The following GPR63 variants were observed in gnomAD, a reference collection of about 807,000 sequenced individuals.
GPR63 encodes probable G protein-coupled receptor 63.
GPR63 carries 12 observed loss-of-function variants against 23.1 expected under a neutral mutation model. That is an observed-to-expected ratio of 0.52 (90% CI 0.33 to 0.84). The LOEUF (loss-of-function observed/expected upper bound fraction) is 0.84, where lower values mean the gene tolerates loss of function less well. Ranked by LOEUF, GPR63 falls within the 40% of genes least tolerant of loss-of-function variation. GPR63 has a pLI of 0.02. For synonymous variants in GPR63, 172 were observed against 191.1 expected (o/e 0.90, Z 0.82); for missense variants, 472 against 515.6 (o/e 0.92, Z 0.82).
chr6:96,812,946 TTCTA>T (rs1366831195), intron 1 of GPR63, among the ~76,000 whole-genome samples: 8 of 152,096 alleles, frequency 5.3e-5, no homozygotes, highest in Non-Finnish European at 1.2e-4. Flanking sequence ...AACTTCTACC[TTCTA>T]TCTAACTGTA....
rs1182644915 is a variant in GPR63 at position 96,796,179 on chromosome 6, A to G, written c.*2293T>C. ...ACTCTTCAGACATTTAATATTAAGA[A>G]ATAGCTAATGAAGTAAAATGTAAAG... is the stretch of plus-strand genomic sequence containing the variant. On this transcript the variant is annotated 3_prime_UTR_variant, in exon 2 of 2. Transcript: ENST00000229955. 6.6e-6 allele frequency: 1 copy of G among 152,190 alleles called. No individual in the cohort carries two copies. The highest frequency in any genetic ancestry group is 6.5e-5 in the Admixed American group (1 of 15,274). 9.4% of individuals were successfully genotyped at this position (152,190 alleles called of 1,614,324 possible). A position where few individuals can be genotyped will look rare whatever the true frequency, so the allele number is the denominator to read the frequency against.
intron 1 of GPR63, among the ~76,000 whole-genome samples, chr6:96,836,953 G>A (rs1774746724): frequency 6.6e-6 from 1 of 151,858 alleles, no homozygotes. Context: ...CCCCTCTGCA[G>A]CCGACCGTTT....
chr6:96,821,788 A>G (rs1299787107), intron 1 of GPR63, among the ~76,000 whole-genome samples: 2 of 152,156 alleles, frequency 1.3e-5, no homozygotes, highest in African/African-American at 2.4e-5. Context: ...ACATACATAT[A>G]TATACCACGG....
intron 1 of GPR63, among the ~76,000 whole-genome samples, chr6:96,823,646 G>A (rs1369303909): frequency 6.6e-6 from 1 of 152,042 alleles, no homozygotes; most frequent in Non-Finnish European, 1.5e-5. Context: ...CTACAGTGGT[G>A]TACATTAATA....
intron 1 of GPR63, among the ~76,000 whole-genome samples, chr6:96,809,114 C>T (rs1353297295): frequency 6.6e-6 from 1 of 151,934 alleles, no homozygotes; most frequent in Non-Finnish European, 1.5e-5. Flanking sequence ...TCAAAACCAA[C>T]CTCCCTTTCT....
In GPR63 at chr6:96,826,009, A is replaced by T. The variant is rs530553683; in HGVS notation, c.-151+11259T>A. ...TTATAAAAACTAAAATATAAAAAAT[A>T]AAAAGAATAAAAACAAACATTTCTT... is the stretch of plus-strand genomic sequence containing the variant. On this transcript the variant is annotated intron_variant, in intron 1 of 1. Coordinates refer to ENST00000229955, the MANE Select transcript of GPR63 (RefSeq NM_030784.4). 1.7e-4 allele frequency among the ~76,000 whole-genome samples: 26 copies of T among 152,252 alleles called. No homozygotes were observed. In the South Asian group the frequency reaches 3.5e-3, roughly 21 times the overall value.
intron 1 of GPR63, among the ~76,000 whole-genome samples, chr6:96,836,778 T>C (rs1306832997): frequency 6.6e-6 from 1 of 152,134 alleles, no homozygotes; most frequent in Non-Finnish European, 1.5e-5. Flanking sequence ...TCTTAACTGT[T>C]GGAGCGCGAA....
chr6:96,819,974 CAAA>C (rs367728329), intron 1 of GPR63, among the ~76,000 whole-genome samples: 5 of 85,340 alleles, frequency 5.9e-5, no homozygotes, highest in Non-Finnish European at 1.2e-4. Context: ...GACTCTGTCT[CAAA>C]AAAAAAAAAA....
chr6:96,806,348 C>T, intron 1 of GPR63, among the ~76,000 whole-genome samples: 1 of 152,188 alleles, frequency 6.6e-6, no homozygotes, highest in East Asian at 1.9e-4. Context: ...ATCTAGCTGG[C>T]TTTTCTGGAC....
chr6:96,836,799 G>A (rs1234574841), intron 1 of GPR63, among the ~76,000 whole-genome samples: 2 of 152,114 alleles, frequency 1.3e-5, no homozygotes, highest in South Asian at 4.2e-4. Flanking sequence ...AGGACCTTTC[G>A]CTCTCGCAAA....
At chr6:96,806,497 C>G in intron 1 of GPR63, among the ~76,000 whole-genome samples, 1 of 152,194 alleles carries the variant, frequency 6.6e-6, no homozygotes, top group Non-Finnish European at 1.5e-5. Flanking sequence ...GAAAGCTGCT[C>G]TGCCACTGAG....
At chr6:96,807,119 A>G (rs1773914567) in intron 1 of GPR63, among the ~76,000 whole-genome samples, 2 of 152,258 alleles carry the variant, frequency 1.3e-5, no homozygotes, top group African/African-American at 4.8e-5. Flanking sequence ...CTGGCTAGTC[A>G]TGTAAATGCT....
intron 1 of GPR63, among the ~76,000 whole-genome samples, chr6:96,804,762 T>C (rs896842276): frequency 6.6e-6 from 1 of 152,142 alleles, no homozygotes; most frequent in African/African-American, 2.4e-5. Context: ...TAAGTATAGA[T>C]GTAGATTTAG....
intron 1 of GPR63, among the ~76,000 whole-genome samples, chr6:96,811,964 T>C (rs1271511737): frequency 6.6e-6 from 1 of 152,044 alleles, no homozygotes; most frequent in East Asian, 1.9e-4. Context: ...TTTAGATCAT[T>C]ATAACAATGT....
At chr6:96,829,743 C>T (rs961720391) in intron 1 of GPR63, among the ~76,000 whole-genome samples, 8 of 151,542 alleles carry the variant, frequency 5.3e-5, no homozygotes, top group African/African-American at 1.9e-4. Flanking sequence ...ACATAAGCAG[C>T]TAAAGTGATG....
chr6:96,834,150 A>G (rs1398031464), intron 1 of GPR63, among the ~76,000 whole-genome samples: 1 of 152,172 alleles, frequency 6.6e-6, no homozygotes, highest in African/African-American at 2.4e-5. Flanking sequence ...AATGCATTTT[A>G]TCCTATGTGT....
intron 1 of GPR63, among the ~76,000 whole-genome samples, chr6:96,822,866 T>C (rs1023879979): frequency 6.6e-6 from 1 of 152,194 alleles, no homozygotes; most frequent in African/African-American, 2.4e-5. Context: ...TAATTCCTCA[T>C]TTACAGTCAT....
chr6:96,826,470 G>C (rs1353145174), intron 1 of GPR63, among the ~76,000 whole-genome samples: 1 of 152,060 alleles, frequency 6.6e-6, no homozygotes, highest in East Asian at 1.9e-4. Context: ...AAATTAAAAA[G>C]AGAAAGGTAT....
Position 96,798,770 on chromosome 6 carries a change from G to A in GPR63, c.962C>T (p.Ala321Val), listed in dbSNP as rs757278569. 2 of 1,614,174 alleles carry A rather than the reference G, an allele frequency of 1.2e-6. No homozygotes were observed. Among genetic ancestry groups the A allele is most frequent in the Non-Finnish European group, 1.7e-6 (2 of 1,180,036 alleles). Reference protein sequence around the residue: ...RAFTTILILFAVFIVCWAPFT... With the variant: ...RAFTTILILFVVFIVCWAPFT... The stretch of plus-strand genomic sequence containing the variant: ...TGGGGCCCAGCAGACAATGAAGACA[G>A]CAAAGAGAATCAAAATAGTGGTGAA... Residue 321 changes from alanine to valine, a missense_variant, in exon 2 of 2, where the codon GCT (alanine) becomes GTT (valine). Coordinates refer to ENST00000229955, the MANE Select transcript of GPR63 (RefSeq NM_030784.4).
Sources: allele counts gnomAD v4.1 joint callset (sites outside exome capture counted in the v4.1 genomes callset), GRCh38; gene constraint gnomAD v4.1.1; transcripts MANE v1.5; gene names NCBI Gene and HGNC (gene_info 2026-07-23, HGNC 2026-07-21).